The following TNFAIP8 variants were observed in gnomAD, a reference collection of about 807,000 sequenced individuals.
TNFAIP8 encodes tumor necrosis factor alpha-induced protein 8.
A neutral mutation model predicts 13.3 loss-of-function variants in TNFAIP8; 7 were observed. That is an observed-to-expected ratio of 0.52 (90% CI 0.30 to 0.99). The LOEUF is 0.99. Among genes scored for constraint, TNFAIP8 ranks in the 50% least tolerant of loss-of-function variants. The pLI, the probability that TNFAIP8 is intolerant of heterozygous loss-of-function variation, is 0.07. For missense variants in TNFAIP8, 258 were observed against 236.9 expected, an observed-to-expected ratio of 1.09 and a Z score of -0.58; for synonymous variants, 94 against 87.6, an observed-to-expected ratio of 1.07 and a Z score of -0.41.
At chr5:119,296,962 C>T (rs1475185691) in intron 1 of TNFAIP8, among the ~76,000 whole-genome samples, 23 of 151,500 alleles carry the variant, frequency 1.5e-4, no homozygotes, top group African/African-American at 3.4e-4. Flanking sequence ...TCTGTGGGAT[C>T]GGTGGTGATA....
At chr5:119,292,503 A>G (rs1253681330) in intron 1 of TNFAIP8, among the ~76,000 whole-genome samples, 3 of 151,304 alleles carry the variant, frequency 2.0e-5, no homozygotes, top group African/African-American at 4.8e-5. Context: ...CAGCAAGTCT[A>G]CTTCCAGATG....
intron 1 of TNFAIP8, among the ~76,000 whole-genome samples, chr5:119,371,106 A>G (rs1447366262): frequency 6.6e-6 from 1 of 152,248 alleles, no homozygotes; most frequent in Admixed American, 6.5e-5. Flanking sequence ...ATGGGGTAGC[A>G]TACATGGTTT....
At chr5:119,318,314 C>T (rs1749958119) in intron 1 of TNFAIP8, among the ~76,000 whole-genome samples, 1 of 151,902 alleles carries the variant, frequency 6.6e-6, no homozygotes, top group Non-Finnish European at 1.5e-5. Flanking sequence ...ACAGGTCTCC[C>T]TCTGTTAGCC....
Position 119,297,168 on chromosome 5 carries a change from T to G in TNFAIP8, c.1+28261T>G, listed in dbSNP as rs567562108. On this transcript the variant is annotated intron_variant, in intron 1 of 1. Transcript: ENST00000274456. ...GCTAGCTTTTGAATGTGTTTGCTCT[T>G]GCTTTTCTAGTTCTTTTAATTGTGA... is the stretch of plus-strand genomic sequence containing the variant. 6.9e-4 allele frequency among the ~76,000 whole-genome samples: 105 copies of G among 152,368 alleles called. 1 individual carries two copies. In the South Asian group the frequency reaches 0.022, roughly 31 times the overall value.
chr5:119,342,401 G>T (rs1750767036), intron 1 of TNFAIP8, among the ~76,000 whole-genome samples: 1 of 152,228 alleles, frequency 6.6e-6, no homozygotes, highest in Admixed American at 6.5e-5. Flanking sequence ...ATGTGTTTTT[G>T]TAAGAGCTGG....
intron 1 of TNFAIP8, among the ~76,000 whole-genome samples, chr5:119,290,696 C>G (rs1023172467): frequency 6.6e-6 from 1 of 151,898 alleles, no homozygotes; most frequent in Non-Finnish European, 1.5e-5. Flanking sequence ...TATGAAGAGG[C>G]GAAGATCTGC....
chr5:119,277,750 GT>G (rs1748502616), intron 1 of TNFAIP8, among the ~76,000 whole-genome samples: 1 of 152,178 alleles, frequency 6.6e-6, no homozygotes, highest in African/African-American at 2.4e-5. Context: ...ATTTTCCACA[GT>G]TCTGGGGGCT....
intron 1 of TNFAIP8, among the ~76,000 whole-genome samples, chr5:119,310,088 G>C (rs1303501705): frequency 6.6e-6 from 1 of 152,156 alleles, no homozygotes; most frequent in East Asian, 1.9e-4. Context: ...TCTTTTATGG[G>C]GAGAGGTTTT....
At chr5:119,372,505 G>GC (rs1421746538) in intron 1 of TNFAIP8, among the ~76,000 whole-genome samples, 1 of 152,076 alleles carries the variant, frequency 6.6e-6, no homozygotes, top group Non-Finnish European at 1.5e-5. Context: ...CGTAAACCTT[G>GC]CTAATCATTT....
intron 1 of TNFAIP8, among the ~76,000 whole-genome samples, chr5:119,334,409 C>G (rs1034036219): frequency 6.6e-6 from 1 of 151,790 alleles, no homozygotes; most frequent in Non-Finnish European, 1.5e-5. Flanking sequence ...TTTTTTGGAG[C>G]TTAAATTTAA....
At chr5:119,346,354 GAA>G in intron 1 of TNFAIP8, among the ~76,000 whole-genome samples, 1 of 152,194 alleles carries the variant, frequency 6.6e-6, no homozygotes, top group African/African-American at 2.4e-5. Context: ...GCAGCCTGCA[GAA>G]AGAGTGTACC....
chr5:119,351,852 C>T (rs1450437859), upstream of TNFAIP8, among the ~76,000 whole-genome samples: 1 of 147,250 alleles, frequency 6.8e-6, no homozygotes, highest in Non-Finnish European at 1.5e-5. Context: ...TGCAGTGGCA[C>T]GATCTCAGCT....
intron 1 of TNFAIP8, among the ~76,000 whole-genome samples, chr5:119,364,476 T>C (rs1304131620): frequency 6.6e-6 from 1 of 151,994 alleles, no homozygotes; most frequent in Non-Finnish European, 1.5e-5. Flanking sequence ...CCCTGCCAAG[T>C]AGCTGGGACT....
intron 1 of TNFAIP8, among the ~76,000 whole-genome samples, chr5:119,340,253 G>A (rs1484245643): frequency 6.6e-6 from 1 of 152,194 alleles, no homozygotes; most frequent in African/African-American, 2.4e-5. Flanking sequence ...ATACGCACAG[G>A]GGGCCAGCCA....
chr5:119,269,625 A>G (rs980554141), intron 1 of TNFAIP8, among the ~76,000 whole-genome samples: 1 of 152,218 alleles, frequency 6.6e-6, no homozygotes, highest in African/African-American at 2.4e-5. Flanking sequence ...CTTCAGTGAC[A>G]CTGTATTTCT....
intron 1 of TNFAIP8, chr5:119,333,306 C>A: frequency 1.7e-6 from 2 of 1,178,794 alleles, no homozygotes; most frequent in Admixed American, 4.4e-5. Context: ...TCTGGACTCA[C>A]AATTAAAGGC....
At chr5:119,351,788 C>CTTTTTTTTT (rs1177061965), upstream of TNFAIP8, among the ~76,000 whole-genome samples, 67 of 138,226 alleles carry the variant, frequency 4.8e-4, 1 homozygote, top group African/African-American at 1.8e-3. Context: ...TTTTCTTTTT[C>CTTTTTTTTT]TTTTTTTCTT....
intron 1 of TNFAIP8, among the ~76,000 whole-genome samples, chr5:119,326,423 G>A (rs1203577309): frequency 1.3e-5 from 2 of 152,102 alleles, no homozygotes; most frequent in East Asian, 3.9e-4. Flanking sequence ...GAATCCGAGG[G>A]GCTGAGGAAA....
intron 1 of TNFAIP8, among the ~76,000 whole-genome samples, chr5:119,318,782 A>C (rs983096651): frequency 3.3e-5 from 5 of 150,930 alleles, no homozygotes; most frequent in Non-Finnish European, 5.9e-5. Flanking sequence ...ATTAATTCAG[A>C]AAACATTTCA....
Sources: gnomAD v4.1 joint callset for allele counts (sites outside exome capture counted in the v4.1 genomes callset) on GRCh38, gnomAD v4.1.1 for gene constraint, MANE v1.5 for transcripts, NCBI Gene and HGNC (gene_info 2026-07-23, HGNC 2026-07-21) for gene names.